The following PCDH11X variants were observed in gnomAD, a reference collection of about 807,000 sequenced individuals.
The protein encoded by PCDH11X is protocadherin 11 X-linked.
In PCDH11X, 18 loss-of-function variants were observed where a neutral mutation model predicts 53.3. That is an observed-to-expected ratio of 0.34 (90% CI 0.23 to 0.50). The LOEUF (loss-of-function observed/expected upper bound fraction) is 0.50. PCDH11X is among the 20% of genes least tolerant of loss of function. The pLI is 0.98. For missense variants in PCDH11X, 570 were observed against 1,032.4 expected, an observed-to-expected ratio of 0.55 and a Z score of 6.14; for synonymous variants, 279 against 393.3, an observed-to-expected ratio of 0.71 and a Z score of 3.44.
intron 6 of PCDH11X, among the ~76,000 whole-genome samples, chrX:91,926,699 A>G (rs770108693): frequency 5.4e-5 from 6 of 110,881 alleles, no homozygotes; most frequent in Non-Finnish European, 1.1e-4. Flanking sequence ...TTTTTAGTTC[A>G]CACATAATTG....
intron 6 of PCDH11X, among the ~76,000 whole-genome samples, chrX:92,184,009 A>G (rs1194830988): frequency 9.0e-6 from 1 of 111,187 alleles, no homozygotes; most frequent in Non-Finnish European, 1.9e-5. Flanking sequence ...TGCCTTTTAC[A>G]TTCCATTAGA....
At chrX:91,898,520 A>G (rs899975130) in intron 6 of PCDH11X, among the ~76,000 whole-genome samples, 1 of 109,188 alleles carries the variant, frequency 9.2e-6, no homozygotes, top group African/African-American at 3.3e-5. Context: ...AATATAGCTG[A>G]TATAAAGTTT....
intron 9 of PCDH11X, among the ~76,000 whole-genome samples, chrX:92,464,598 A>C (rs1467956943): frequency 3.6e-5 from 4 of 110,805 alleles, no homozygotes; most frequent in Non-Finnish European, 7.6e-5. Flanking sequence ...TTATAGCAGC[A>C]TGAGAACAAA....
At chrX:91,840,501 G>A (rs1334788686) in intron 5 of PCDH11X, among the ~76,000 whole-genome samples, 1 of 111,392 alleles carries the variant, frequency 9.0e-6, no homozygotes, top group Non-Finnish European at 1.9e-5. Flanking sequence ...AGATGTTTGG[G>A]CCCTTGTTTC....
chrX:91,900,246 G>T (rs1602456820), intron 6 of PCDH11X, among the ~76,000 whole-genome samples: 1 of 110,660 alleles, frequency 9.0e-6, no homozygotes, highest in South Asian at 4.0e-4. Context: ...GCCCAGAGTG[G>T]CCAGGTAGCA....
At chrX:91,831,028 G>A (rs1289239188) in intron 4 of PCDH11X, among the ~76,000 whole-genome samples, 6 of 111,829 alleles carry the variant, frequency 5.4e-5, no homozygotes, top group Admixed American at 4.8e-4. Flanking sequence ...AACATTAATT[G>A]TGTGGTTTGA....
intron 8 of PCDH11X, among the ~76,000 whole-genome samples, chrX:92,313,548 G>A (rs1196663111): frequency 3.7e-5 from 4 of 109,460 alleles, no homozygotes; most frequent in South Asian, 3.9e-4. Context: ...ACTGACACAC[G>A]CCCAGTAGTG....
chrX:92,501,070 A>G (rs1276868948), intron 10 of PCDH11X, among the ~76,000 whole-genome samples: 1 of 109,554 alleles, frequency 9.1e-6, no homozygotes, highest in South Asian at 4.0e-4. Flanking sequence ...CAGAAATAAA[A>G]ACAACTACCA....
chrX:91,900,031 T>C (rs1482921509), intron 6 of PCDH11X, among the ~76,000 whole-genome samples: 4 of 111,165 alleles, frequency 3.6e-5, no homozygotes, highest in Non-Finnish European at 5.7e-5. Flanking sequence ...CCTGCCTGGA[T>C]TGGGCTGTTG....
intron 6 of PCDH11X, among the ~76,000 whole-genome samples, chrX:92,062,226 A>C (rs2063533864): frequency 1.8e-5 from 2 of 111,341 alleles, no homozygotes; most frequent in South Asian, 7.6e-4. Flanking sequence ...GGCAAAGACT[A>C]TGGGGCTTCC....
intron 6 of PCDH11X, among the ~76,000 whole-genome samples, chrX:92,125,323 A>C (rs1469383625): frequency 8.9e-6 from 1 of 112,169 alleles, no homozygotes; most frequent in Non-Finnish European, 1.9e-5. Context: ...AAAGGTCTCA[A>C]AAATTTGACA....
rs1259096115 is a variant in PCDH11X at position 92,102,630 on chromosome X, G to A, written c.3034-98745G>A. ...GAAGCCTTGTGGCAGTACAGCCCAG[G>A]TAATTTGCTGAGCCTAATCGGTGTC... On this transcript the variant is annotated intron_variant, in intron 6 of 10. Transcript: ENST00000682573. Among the ~76,000 whole-genome samples, 3 of 111,892 alleles carry A rather than the reference G, an allele frequency of 2.7e-5. No homozygotes were observed. In the East Asian group the frequency reaches 8.5e-4, roughly 32 times the overall value.
intron 8 of PCDH11X, among the ~76,000 whole-genome samples, chrX:92,326,622 C>CTATATATATATATATATATATAATA (rs1160866218): frequency 2.2e-5 from 1 of 45,805 alleles, no homozygotes; most frequent in Admixed American, 3.3e-4. Flanking sequence ...TTTTAATAAA[C>CTATATATATATATATATATATAATA]TATATATATA....
intron 8 of PCDH11X, among the ~76,000 whole-genome samples, chrX:92,266,799 C>T (rs1241053090): frequency 9.2e-6 from 1 of 108,380 alleles, no homozygotes; most frequent in Non-Finnish European, 1.9e-5. Flanking sequence ...GGCTGGAGTG[C>T]AATGGCATGA....
At chrX:92,293,751 T>C (rs1400000095) in intron 8 of PCDH11X, among the ~76,000 whole-genome samples, 1 of 111,425 alleles carries the variant, frequency 9.0e-6, no homozygotes, top group Non-Finnish European at 1.9e-5. Flanking sequence ...CCAAATTGAA[T>C]TGAAGGACAT....
At chrX:92,469,961 A>C (rs1257883338) in intron 10 of PCDH11X, among the ~76,000 whole-genome samples, 1 of 107,424 alleles carries the variant, frequency 9.3e-6, no homozygotes, top group Non-Finnish European at 1.9e-5. Flanking sequence ...ATTATTTTAC[A>C]GGGGTTTGCA....
chrX:92,311,665 T>G (rs1418881481), intron 8 of PCDH11X, among the ~76,000 whole-genome samples: 1 of 111,387 alleles, frequency 9.0e-6, no homozygotes, highest in African/African-American at 3.3e-5. Flanking sequence ...CTTTTTTTTT[T>G]TCCACAGTAG....
intron 6 of PCDH11X, among the ~76,000 whole-genome samples, chrX:91,886,767 C>G (rs750024656): frequency 3.9e-4 from 42 of 108,644 alleles, no homozygotes; most frequent in African/African-American, 1.2e-3. Flanking sequence ...GTCAGGAGAT[C>G]GAGACCATCC....
At chrX:92,265,628 T>C (rs764464434) in intron 8 of PCDH11X, among the ~76,000 whole-genome samples, 1 of 111,573 alleles carries the variant, frequency 9.0e-6, no homozygotes, top group Non-Finnish European at 1.9e-5. Flanking sequence ...TAGGAATGTG[T>C]ATACACATAT....
Sources: gnomAD v4.1 joint callset for allele counts (sites outside exome capture counted in the v4.1 genomes callset) on GRCh38, gnomAD v4.1.1 for gene constraint, MANE v1.5 for transcripts, NCBI Gene and HGNC (gene_info 2026-07-23, HGNC 2026-07-21) for gene names.